The following TASP1 variants were observed in gnomAD, a reference collection of about 807,000 sequenced individuals.
TASP1 encodes threonine aspartase 1.
TASP1 carries 16 observed loss-of-function variants against 56.6 expected under a neutral mutation model. That is an observed-to-expected ratio of 0.28 (90% CI 0.19 to 0.43). The LOEUF is 0.43. Among genes scored for constraint, TASP1 ranks in the 20% least tolerant of loss-of-function variants. The pLI is 1.00. For missense variants in TASP1, 393 were observed against 511.6 expected, an observed-to-expected ratio of 0.77 and a Z score of 2.24; for synonymous variants, 179 against 184.2, an observed-to-expected ratio of 0.97 and a Z score of 0.23.
intron 4 of TASP1, among the ~76,000 whole-genome samples, chr20:13,601,592 T>C (rs2047959042): frequency 1.3e-5 from 2 of 152,160 alleles, no homozygotes; most frequent in Non-Finnish European, 2.9e-5. Context: ...AAAATATTAG[T>C]TACTCCATGC....
chr20:13,300,322 G>A, the TASP1 span: 2 of 151,942 alleles, frequency 1.3e-5, no homozygotes, highest in African/African-American at 2.4e-5. Flanking sequence ...CAAAACAAAT[G>A]GGAAAAAGAT....
the TASP1 span, among the ~76,000 whole-genome samples, chr20:13,124,019 C>T: frequency 2.6e-5 from 4 of 152,196 alleles, no homozygotes; most frequent in African/African-American, 9.7e-5. Context: ...CTCTTTGAGG[C>T]ACCTCAGATA....
chr20:13,321,253 T>TAAAAAAAAAAAAAAAAACAA, the TASP1 span, among the ~76,000 whole-genome samples: 1 of 57,522 alleles, frequency 1.7e-5, no homozygotes, highest in Non-Finnish European at 3.2e-5. Context: ...GTGCCCCACA[T>TAAAAAAAAAAAAAAAAACAA]AAAAAAAAAA....
the TASP1 span, among the ~76,000 whole-genome samples, chr20:13,360,306 C>A: frequency 6.7e-6 from 1 of 150,026 alleles, no homozygotes; most frequent in Non-Finnish European, 1.5e-5. Flanking sequence ...CTAGGCTGTA[C>A]TGCCGCAAAG....
At chr20:13,165,040 A>T in the TASP1 span, 47 of 560,216 alleles carry the variant, frequency 8.4e-5, no homozygotes, top group African/African-American at 8.7e-4. Flanking sequence ...CTTGGACTGC[A>T]GAGACAAAAA....
chr20:13,505,417 C>T (rs375491665), intron 10 of TASP1, among the ~76,000 whole-genome samples: 1 of 152,090 alleles, frequency 6.6e-6, no homozygotes, highest in Non-Finnish European at 1.5e-5. Context: ...ACCTAACAGA[C>T]ATACAGAACA....
the TASP1 span, among the ~76,000 whole-genome samples, chr20:13,341,929 C>T: frequency 6.6e-6 from 1 of 152,186 alleles, no homozygotes; most frequent in East Asian, 1.9e-4. Context: ...CTAGCCTGGG[C>T]TGGTGGTTCA....
chr20:13,630,929 A>G (rs1362264205), intron 1 of TASP1, among the ~76,000 whole-genome samples: 2 of 152,026 alleles, frequency 1.3e-5, no homozygotes, highest in East Asian at 3.8e-4. Context: ...CTAGTTCCTC[A>G]TGTTATTTTT....
At chr20:13,620,720 C>A (rs1447708078) in intron 4 of TASP1, among the ~76,000 whole-genome samples, 1 of 152,152 alleles carries the variant, frequency 6.6e-6, no homozygotes, top group Non-Finnish European at 1.5e-5. Flanking sequence ...AGTGTTTATT[C>A]TCAAATTAAA....
the TASP1 span, among the ~76,000 whole-genome samples, chr20:13,307,167 G>A: frequency 2.6e-5 from 4 of 152,110 alleles, no homozygotes; most frequent in Admixed American, 2.6e-4. Flanking sequence ...TGTCTACACA[G>A]CACCATTCCA....
intron 4 of TASP1, among the ~76,000 whole-genome samples, chr20:13,611,713 C>T (rs945605512): frequency 4.6e-5 from 7 of 152,128 alleles, no homozygotes; most frequent in Non-Finnish European, 1.0e-4. Context: ...AAATGATATA[C>T]AGTGCTACAA....
At chr20:13,150,023 A>C in the TASP1 span, among the ~76,000 whole-genome samples, 2,183 of 152,326 alleles carry the variant, frequency 0.014, 25 homozygotes, top group South Asian at 0.028. Context: ...ATGATCCGCA[A>C]AAGTGCTGAA....
At chr20:13,439,085 G>C (rs2043123401) in intron 11 of TASP1, among the ~76,000 whole-genome samples, 1 of 152,200 alleles carries the variant, frequency 6.6e-6, no homozygotes, top group Admixed American at 6.5e-5. Context: ...AACCATTGTG[G>C]AAGTCAGTGT....
the TASP1 span, among the ~76,000 whole-genome samples, chr20:13,173,804 CTT>C: frequency 6.6e-6 from 1 of 152,166 alleles, no homozygotes; most frequent in Non-Finnish European, 1.5e-5. Flanking sequence ...GGAATTGCCT[CTT>C]TTAAAATTTC....
At chr20:13,426,113 C>T (rs894765322) in intron 12 of TASP1, among the ~76,000 whole-genome samples, 1 of 152,100 alleles carries the variant, frequency 6.6e-6, no homozygotes, top group Non-Finnish European at 1.5e-5. Flanking sequence ...TAACAAAAGT[C>T]CTGGAGGACA....
chr20:13,125,864 CT>C, the TASP1 span, among the ~76,000 whole-genome samples: 1 of 152,238 alleles, frequency 6.6e-6, no homozygotes, highest in African/African-American at 2.4e-5. Flanking sequence ...ATTAATCCGC[CT>C]TTTGATGGAA....
chr20:13,441,143 C>G (rs981402706), intron 11 of TASP1, among the ~76,000 whole-genome samples: 1 of 152,080 alleles, frequency 6.6e-6, no homozygotes, highest in African/African-American at 2.4e-5. Context: ...TTGCCTGCCC[C>G]CTCCCTTCAT....
chr20:13,478,252 A>C (rs559334172), intron 11 of TASP1, among the ~76,000 whole-genome samples: 1 of 152,194 alleles, frequency 6.6e-6, no homozygotes, highest in African/African-American at 2.4e-5. Flanking sequence ...TACACAAAAA[A>C]CTGCACTCGT....
the TASP1 span, among the ~76,000 whole-genome samples, chr20:13,229,940 C>T: frequency 1.3e-5 from 2 of 152,170 alleles, no homozygotes; most frequent in Non-Finnish European, 2.9e-5. Context: ...AAGAGGTAAA[C>T]GCCACCTTGG....
Sources: allele counts gnomAD v4.1 joint callset (sites outside exome capture counted in the v4.1 genomes callset), GRCh38; gene constraint gnomAD v4.1.1; transcripts MANE v1.5; gene names NCBI Gene and HGNC (gene_info 2026-07-23, HGNC 2026-07-21).